DRG2: variants seen among roughly 807,000 people sequenced by gnomAD.
DRG2 encodes developmentally regulated GTP binding protein 2.
Under a neutral mutation model 53.4 loss-of-function variants are expected in DRG2, and 36 were observed. The observed-to-expected ratio is 0.67, with a 90% CI of 0.52 to 0.89. The LOEUF is 0.89. Among genes scored for constraint, DRG2 ranks in the 40% least tolerant of loss-of-function variants. DRG2 has a pLI of 0.00. For missense variants in DRG2, 342 were observed against 481.2 expected (o/e 0.71, Z 2.71); for synonymous variants, 167 against 192.1 (o/e 0.87, Z 1.08).
Position 18,099,788 on chromosome 17 carries a change from G to A in DRG2, c.467+65G>A, listed in dbSNP as rs1461485428. On this transcript the variant is annotated intron_variant, in intron 5 of 12. Coordinates refer to ENST00000225729, the MANE Select transcript of DRG2 (RefSeq NM_001388.5). The surrounding 1 kb of genome is among the most constrained non-coding windows in gnomAD (Gnocchi z 4.4). ...GGAGGGCCAATGTGTCCCTGAGCTC[G>A]TACTAGGCGGCCTGTGGGTGTTTGG... 7 of 1,503,894 alleles carry A rather than the reference G, an allele frequency of 4.7e-6. No individual in the cohort carries two copies. Among genetic ancestry groups the A allele is most frequent in the East Asian group, 2.4e-5 (1 of 41,138 alleles). The allele number at this position is 1,503,894 out of a possible 1,614,324, so 93.2% of individuals were successfully genotyped here. A position where few individuals can be genotyped will look rare whatever the true frequency, so the allele number is the denominator to read the frequency against.
rs72827417 is a variant in DRG2 at position 18,098,910 on chromosome 17, C to T, written c.316-107C>T. ...TGGCCACAGGTTGGCATCTGGGTTT[C>T]CCTCAGCCCCTGAGCCCCGGGGCCA... is the stretch of plus-strand genomic sequence containing the variant. On this transcript the variant is annotated intron_variant, in intron 3 of 12. Coordinates refer to ENST00000225729, the MANE Select transcript of DRG2 (RefSeq NM_001388.5). The surrounding 1 kb of genome is among the most constrained non-coding windows in gnomAD (Gnocchi z 4.1). 3.1e-6 allele frequency: 4 copies of T among 1,307,920 alleles called. No homozygotes were observed. Among genetic ancestry groups the T allele is most frequent in the South Asian group, 2.6e-5 (2 of 77,110 alleles). The allele number at this position is 1,307,920 out of a possible 1,614,324, so 81.0% of individuals were successfully genotyped here. A position where few individuals can be genotyped will look rare whatever the true frequency, so the allele number is the denominator to read the frequency against.
intron 10 of DRG2, 77 bp from the exon 11 acceptor site, chr17:18,104,545 TC>T: frequency 6.2e-7 from 1 of 1,604,882 alleles, no homozygotes; most frequent in Admixed American, 1.7e-5. Context: ...TGTGGCCAGC[TC>T]TTCCCTCGCG....
At chr17:18,090,189 T>C (rs1296210444) in intron 1 of DRG2, among the ~76,000 whole-genome samples, 1 of 47,010 alleles carries the variant, frequency 2.1e-5, no homozygotes, top group Non-Finnish European at 3.6e-5. Flanking sequence ...ACTGAATCCT[T>C]TTTTTTTTTT....
chr17:18,093,693 TCCTGA>T, intron 1 of DRG2, 115 bp from the exon 2 acceptor site: 2 of 1,174,544 alleles, frequency 1.7e-6, no homozygotes, highest in African/African-American at 3.1e-5. Context: ...TTTTTTTTTC[TCCTGA>T]TCTCCTTGAC....
Position 18,099,095 on chromosome 17 carries a change from T to C in DRG2, c.376+18T>C, listed in dbSNP as rs766627569. 1.2e-6 allele frequency: 2 copies of C among 1,613,730 alleles called. No individual in the cohort carries two copies. Among genetic ancestry groups the C allele is most frequent in the Admixed American group, 3.3e-5 (2 of 60,004 alleles). ...AGCCCAAGGTGGGAGGCAGGGCAGG[T>C]GTGTGGGAAGCAGACTGGAGCTCTG... On this transcript the variant is annotated intron_variant, in intron 4 of 12. Transcript: ENST00000225729. This position sits in a 1 kb window ranked among gnomAD's most constrained non-coding sequence, Gnocchi z 4.4.
At position 18,094,868 on chromosome 17, in the gene DRG2, GGAGGCT is replaced by G. The variant is rs569036765; in HGVS notation, c.225+901_225+906del. 2.3e-3 allele frequency among the ~76,000 whole-genome samples: 339 copies of G among 149,592 alleles called. 2 individuals carry two copies. Among genetic ancestry groups the G allele is most frequent in the African/African-American group, 7.8e-3 (318 of 40,614 alleles). ...GCATGCCTGTAATCTCAGTTACTCG[GGAGGCT>G]GAGGCAGGAGAATCGCTTGAACCTG... On this transcript the variant is annotated intron_variant, in intron 2 of 12. Coordinates refer to ENST00000225729, the MANE Select transcript of DRG2 (RefSeq NM_001388.5).
At chr17:18,101,897 C>A in intron 8 of DRG2, 24 bp from the exon 9 acceptor site, 1 of 1,602,118 alleles carries the variant, frequency 6.2e-7, no homozygotes, top group East Asian at 2.3e-5. Flanking sequence ...TCCTCAGCAC[C>A]GGCCTCCACC....
At chr17:18,092,909 G>T (rs891402832) in intron 1 of DRG2, among the ~76,000 whole-genome samples, 1 of 152,214 alleles carries the variant, frequency 6.6e-6, no homozygotes, top group Non-Finnish European at 1.5e-5. Flanking sequence ...GCAGCTCTAG[G>T]TAAAGTTTCA....
rs1194949235 is a variant in DRG2, at chr17:18,103,734, GA to G, written c.807-65del. 1 of 1,477,908 alleles carries G rather than the reference GA, an allele frequency of 6.8e-7. No homozygotes were observed. The highest frequency in any genetic ancestry group is 1.4e-5 in the African/African-American group (1 of 72,324). The allele number at this position is 1,477,908 out of a possible 1,614,324, so 91.5% of individuals were successfully genotyped here. A position where few individuals can be genotyped will look rare whatever the true frequency, so the allele number is the denominator to read the frequency against. On this transcript the variant is annotated intron_variant, in intron 9 of 12. Transcript: ENST00000225729. The surrounding 1 kb of genome is among the most constrained non-coding windows in gnomAD (Gnocchi z 4.4). ...TGGAGGTTATCCGCTCCAATAGTGA[GA>G]AGTGGAGACCCCAGCCTCTGAATTC...
intron 10 of DRG2, 199 bp from the exon 11 acceptor site, chr17:18,104,424 G>T (rs925175965): frequency 1.3e-5 from 16 of 1,189,344 alleles, no homozygotes; most frequent in Non-Finnish European, 1.8e-5. Flanking sequence ...GATTTATTTT[G>T]AGTCACTGTG....
chr17:18,092,388 G>A (rs978416122), intron 1 of DRG2, among the ~76,000 whole-genome samples: 2 of 152,110 alleles, frequency 1.3e-5, no homozygotes, highest in Non-Finnish European at 2.9e-5. Context: ...TTCAAGACTA[G>A]TGAGCTATAA....
At position 18,099,824 on chromosome 17, in the gene DRG2, C is replaced by T. The variant is rs1181500683; in HGVS notation, c.467+101C>T. 3.4e-5 allele frequency: 40 copies of T among 1,170,026 alleles called. No homozygotes were observed. The East Asian group carries it at 5.4e-4, about 16-fold the overall frequency. 72.5% of individuals were successfully genotyped at this position (1,170,026 alleles called of 1,614,324 possible). A position where few individuals can be genotyped will look rare whatever the true frequency, so the allele number is the denominator to read the frequency against. ...CCTGTGGGTGTTTGGCTCTCTCACA[C>T]GTGAGAGTAGTGGTAGGACTTGTCA... On this transcript the variant is annotated intron_variant, in intron 5 of 12. Coordinates refer to ENST00000225729, the MANE Select transcript of DRG2 (RefSeq NM_001388.5). This position sits in a 1 kb window ranked among gnomAD's most constrained non-coding sequence, Gnocchi z 4.4.
At position 18,107,251 on chromosome 17, in the gene DRG2, C is replaced by T. The variant is rs528297359; in HGVS notation, c.*11C>T. The T allele has an allele frequency of 9.3e-6, 15 of 1,611,898 alleles. No individual in the cohort carries two copies. Among genetic ancestry groups the T allele is most frequent in the African/African-American group, 2.7e-5 (2 of 75,044 alleles). On this transcript the variant is annotated 3_prime_UTR_variant, in exon 13 of 13. Coordinates refer to ENST00000225729, the MANE Select transcript of DRG2 (RefSeq NM_001388.5). ...ATCGTGAAGAAGTAACGGCGCCTGC[C>T]GGGCCTCCCGCCCACCTGCCTCGTC...
Position 18,099,989 on chromosome 17 carries a change from C to G in DRG2, c.467+266C>G, listed in dbSNP as rs2045500920. 1 of 588,684 alleles carries G rather than the reference C, an allele frequency of 1.7e-6. No individual in the cohort carries two copies. The highest frequency in any genetic ancestry group is 1.9e-5 in the African/African-American group (1 of 53,612). 36.5% of individuals were successfully genotyped at this position (588,684 alleles called of 1,614,324 possible). The stretch of plus-strand genomic sequence containing the variant: ...CTGTTCAGAGGCACAGGTGCCTCAT[C>G]ACTGCCCAGAACCTGCCAGGAGCCC... On this transcript the variant is annotated intron_variant, in intron 5 of 12. Coordinates refer to ENST00000225729, the MANE Select transcript of DRG2 (RefSeq NM_001388.5). The surrounding 1 kb of genome is among the most constrained non-coding windows in gnomAD (Gnocchi z 4.4).
At position 18,100,533 on chromosome 17, in the gene DRG2, G is replaced by T. The variant is rs1457970541; in HGVS notation, c.541-36G>T. On this transcript the variant is annotated intron_variant, in intron 6 of 12. Coordinates refer to ENST00000225729, the MANE Select transcript of DRG2 (RefSeq NM_001388.5). This position sits in a 1 kb window ranked among gnomAD's most constrained non-coding sequence, Gnocchi z 4.1. Reference sequence around the variant, plus strand: ...GTGGGACCATTGCTGTGACCCCTCGGTCAGCAGTTCTCCCCATCCCTTTCT... The same window carrying T: ...GTGGGACCATTGCTGTGACCCCTCGTTCAGCAGTTCTCCCCATCCCTTTCT... The T allele has an allele frequency of 6.2e-7, 1 of 1,613,876 alleles. No homozygotes were observed. Among genetic ancestry groups the T allele is most frequent in the South Asian group, 1.1e-5 (1 of 91,070 alleles).
At chr17:18,102,312 G>A (rs747340876) in intron 9 of DRG2, among the ~76,000 whole-genome samples, 2 of 152,196 alleles carry the variant, frequency 1.3e-5, no homozygotes, top group Non-Finnish European at 2.9e-5. Flanking sequence ...ATCAACCAAG[G>A]TTGAATGGCT....
chr17:18,093,499 G>A (rs1258688821), intron 1 of DRG2, among the ~76,000 whole-genome samples: 1 of 152,032 alleles, frequency 6.6e-6, no homozygotes, highest in Non-Finnish European at 1.5e-5. Context: ...TGTATTTTTA[G>A]TAGAGACAGG....
intron 11 of DRG2, chr17:18,105,300 G>A (rs563134669): frequency 1.5e-4 from 23 of 153,250 alleles, no homozygotes; most frequent in South Asian, 2.1e-4. Flanking sequence ...CGTCCTCCTG[G>A]GCTGATGCTT....
chr17:18,090,871 A>C (rs945651439), intron 1 of DRG2, among the ~76,000 whole-genome samples: 2 of 150,984 alleles, frequency 1.3e-5, no homozygotes, highest in Admixed American at 6.6e-5. Context: ...CGGTCTCACT[A>C]TGTTGCCCAG....
Sources: allele counts gnomAD v4.1 joint callset (sites outside exome capture counted in the v4.1 genomes callset), GRCh38; gene constraint gnomAD v4.1.1; non-coding constraint Gnocchi (gnomAD v3.1); transcripts MANE v1.5; gene names NCBI Gene and HGNC (gene_info 2026-07-23, HGNC 2026-07-21).